Variants in KIF13B observed in about 807,000 individuals in gnomAD.
KIF13B encodes the protein kinesin-like protein KIF13B.
A neutral mutation model predicts 222.0 loss-of-function variants in KIF13B; 127 were observed. The observed-to-expected ratio is 0.57, with a 90% confidence interval of 0.50 to 0.66. The LOEUF is 0.66. KIF13B is among the 30% of genes least tolerant of loss of function. The probability of loss-of-function intolerance (pLI) is 0.00; values close to 1 mark genes in which losing one functional copy is unlikely to be tolerated. For missense variants in KIF13B, 2,173 were observed against 2,379.0 expected (o/e 0.91, Z 1.80); for synonymous variants, 976 against 919.0 (o/e 1.06, Z -1.12).
chr8:29,252,081 G>A (rs1327557382), intron 1 of KIF13B, among the ~76,000 whole-genome samples: 2 of 151,340 alleles, frequency 1.3e-5, no homozygotes, highest in African/African-American at 4.9e-5. Flanking sequence ...AGGGGAGGAA[G>A]GAAAAAAAGG....
chr8:29,168,703 C>T (rs912807738), intron 10 of KIF13B, among the ~76,000 whole-genome samples: 2 of 152,184 alleles, frequency 1.3e-5, no homozygotes, highest in East Asian at 3.8e-4. Context: ...CTCCCCACAC[C>T]GGTCATGCCT....
Position 29,072,329 on chromosome 8 carries a change from G to T in KIF13B, c.4522-13C>A. On this transcript the variant is annotated splice_polypyrimidine_tract_variant and intron_variant, in intron 38 of 39. Transcript: ENST00000524189. Reference sequence around the variant, plus strand: ...TCTCCGGCTGAGCCTGCAGCAGGACGGGGAAGCAGGGGCTGAGAACAGAAA... The same window carrying T: ...TCTCCGGCTGAGCCTGCAGCAGGACTGGGAAGCAGGGGCTGAGAACAGAAA... The T allele has an allele frequency of 7.2e-7, 1 of 1,390,354 alleles. No homozygotes were observed. Among genetic ancestry groups the T allele is most frequent in the East Asian group, 2.8e-5 (1 of 35,726 alleles). The allele number at this position is 1,390,354 out of a possible 1,614,324, so 86.1% of individuals were successfully genotyped here. A position where few individuals can be genotyped will look rare whatever the true frequency, so the allele number is the denominator to read the frequency against.
chr8:29,121,894 A>T (rs1376980945), intron 29 of KIF13B, among the ~76,000 whole-genome samples: 5 of 152,230 alleles, frequency 3.3e-5, no homozygotes, highest in Admixed American at 3.3e-4. Context: ...AAACACCACA[A>T]GAAGGAAACA....
intron 16 of KIF13B, among the ~76,000 whole-genome samples, chr8:29,148,302 A>T (rs1811147243): frequency 6.6e-6 from 1 of 152,222 alleles, no homozygotes; most frequent in Admixed American, 6.5e-5. Flanking sequence ...ATATAAATTA[A>T]AGCCAAAGAC....
At chr8:29,167,256 G>A in intron 11 of KIF13B, 117 bp downstream of exon 11, 1 of 762,202 alleles carries the variant, frequency 1.3e-6, no homozygotes, top group Non-Finnish European at 2.2e-6. Context: ...CTTGCTGTAA[G>A]AAATTCGCAA....
chr8:29,072,077 G>A lies in KIF13B; in HGVS notation c.4761C>T (p.Asp1587=), dbSNP rs1422698160. The change falls in exon 39 of 40, where the codon GAC becomes GAT. Residue 1587 remains aspartate (D), a synonymous_variant. Transcript: ENST00000524189. The part of the protein sequence containing the change: ...TLSDALGPGL[D]AAAPPGSMPT... Reference sequence around the variant, plus strand: ...GCATGGACCCCGGCGGGGCCGCAGCGTCCAGGCCGGGGCCCAGGGCGTCCG... The same window carrying A: ...GCATGGACCCCGGCGGGGCCGCAGCATCCAGGCCGGGGCCCAGGGCGTCCG... The A allele has an allele frequency of 2.3e-6, 3 of 1,333,180 alleles. No individual in the cohort carries two copies. The highest frequency in any genetic ancestry group is 3.1e-5 in the East Asian group (1 of 32,088). The allele number at this position is 1,333,180 out of a possible 1,614,324, so 82.6% of individuals were successfully genotyped here.
At chr8:29,178,166 A>T (rs1812559750) in intron 8 of KIF13B, among the ~76,000 whole-genome samples, 1 of 152,172 alleles carries the variant, frequency 6.6e-6, no homozygotes, top group Non-Finnish European at 1.5e-5. Context: ...AAATTTTCAG[A>T]GCAGTATACA....
chr8:29,076,106 G>A (rs1807545762), intron 37 of KIF13B, among the ~76,000 whole-genome samples: 1 of 152,216 alleles, frequency 6.6e-6, no homozygotes, highest in Admixed American at 6.5e-5. Flanking sequence ...GCCAGGAAAA[G>A]GGAAGCCTCG....
At chr8:29,089,831 T>C (rs544063044) in intron 37 of KIF13B, among the ~76,000 whole-genome samples, 97 of 148,680 alleles carry the variant, frequency 6.5e-4, no homozygotes, top group African/African-American at 2.3e-3. Context: ...GAAGTGGAGG[T>C]TGCAGTGAGC....
At chr8:29,215,546 G>A (rs142420713) in intron 2 of KIF13B, among the ~76,000 whole-genome samples, 2 of 152,184 alleles carry the variant, frequency 1.3e-5, no homozygotes, top group African/African-American at 4.8e-5. Flanking sequence ...TTTTTAATTA[G>A]CCAGGCACGA....
At chr8:29,193,730 C>T (rs1261831953) in intron 3 of KIF13B, among the ~76,000 whole-genome samples, 4 of 152,224 alleles carry the variant, frequency 2.6e-5, no homozygotes, top group African/African-American at 9.6e-5. Flanking sequence ...CATATCCTCC[C>T]ATATACTTCA....
intron 1 of KIF13B, among the ~76,000 whole-genome samples, chr8:29,256,031 T>C (rs1816465791): frequency 1.3e-5 from 2 of 152,178 alleles, no homozygotes; most frequent in African/African-American, 4.8e-5. Context: ...TTCAGACTCA[T>C]ATTCACAATG....
chr8:29,140,706 T>C, intron 19 of KIF13B, 89 bp from the exon 20 acceptor site: 1 of 1,187,052 alleles, frequency 8.4e-7, no homozygotes, highest in South Asian at 1.5e-5. Flanking sequence ...CTCTAGGTTA[T>C]TAAACTTAAC....
In KIF13B at chr8:29,177,507, G is replaced by A. The variant is rs370558494; in HGVS notation, c.792C>T (p.Gly264=). The change falls in exon 9 of 40, where the codon GGC becomes GGT. Residue 264 remains glycine, a synonymous_variant. Coordinates refer to ENST00000524189, the MANE Select transcript of KIF13B (RefSeq NM_015254.4). ...CTTCCTTCAGCCTGTCCCCTGCAGC[G>A]CCTGTCTTCGTTGCTCGTTCACTGC... ...LAGSERATKT[G]AAGDRLKEGS... 4.3e-5 allele frequency: 69 copies of A among 1,613,730 alleles called. No individual in the cohort carries two copies. Among genetic ancestry groups the A allele is most frequent in the African/African-American group, 2.1e-4 (16 of 75,020 alleles).
At chr8:29,182,466 T>C (rs527310009) in intron 6 of KIF13B, among the ~76,000 whole-genome samples, 20 of 152,192 alleles carry the variant, frequency 1.3e-4, no homozygotes, top group Admixed American at 4.6e-4. Context: ...CTATCCACCA[T>C]TGGAAAAAAG....
At chr8:29,134,250 G>T in intron 21 of KIF13B, 40 bp from the exon 22 acceptor site, 1 of 1,593,570 alleles carries the variant, frequency 6.3e-7, no homozygotes, top group Non-Finnish European at 8.6e-7. Flanking sequence ...AAATCTGAGG[G>T]TTCCAACAAG....
At chr8:29,153,866 C>G (rs887799822) in intron 14 of KIF13B, among the ~76,000 whole-genome samples, 13 of 152,316 alleles carry the variant, frequency 8.5e-5, no homozygotes, top group African/African-American at 3.1e-4. Context: ...CCAATCACCT[C>G]AACCTACAGT....
In KIF13B at chr8:29,243,302, C is replaced by T. The variant is rs9886537; in HGVS notation, c.149+2044G>A. On this transcript the variant is annotated intron_variant, in intron 2 of 39. Coordinates refer to ENST00000524189, the MANE Select transcript of KIF13B (RefSeq NM_015254.4). ...GGCGGAGGTTGCAGTGAGCCAAGAT[C>T]GCCACCATTTCACTTCAGCCTGGGC... Among the ~76,000 whole-genome samples, 725 of 149,236 alleles carry T rather than the reference C, an allele frequency of 4.9e-3. 4 individuals carry two copies. Among genetic ancestry groups the T allele is most frequent in the African/African-American group, 0.017 (681 of 40,344 alleles).
intron 36 of KIF13B, among the ~76,000 whole-genome samples, chr8:29,094,996 CTG>C (rs2133557316): frequency 1.3e-5 from 2 of 150,576 alleles, no homozygotes; most frequent in South Asian, 4.2e-4. Context: ...AACAGAGCCT[CTG>C]TGACCTGTAG....
Sources: allele counts gnomAD v4.1 joint callset (sites outside exome capture counted in the v4.1 genomes callset), GRCh38; gene constraint gnomAD v4.1.1; transcripts MANE v1.5; gene names NCBI Gene and HGNC (gene_info 2026-07-23, HGNC 2026-07-21).